Variants in TMEM131 observed in about 807,000 individuals in gnomAD.
TMEM131 encodes transmembrane protein 131.
A neutral mutation model predicts 211.6 loss-of-function variants in TMEM131; 66 were observed. The observed-to-expected ratio is 0.31, with a 90% confidence interval of 0.26 to 0.38. TMEM131 has a LOEUF of 0.38. Ranked by LOEUF, TMEM131 falls within the 10% of genes least tolerant of loss-of-function variation. The probability of loss-of-function intolerance (pLI) is 1.00; values close to 1 mark genes in which losing one functional copy is unlikely to be tolerated. For synonymous variants in TMEM131, 844 were observed against 841.3 expected, an observed-to-expected ratio of 1.00 and a Z score of -0.06; for missense variants, 2,036 against 2,299.3, an observed-to-expected ratio of 0.89 and a Z score of 2.34.
At chr2:97,981,555 T>C (rs968698204) in intron 1 of TMEM131, among the ~76,000 whole-genome samples, 5 of 152,200 alleles carry the variant, frequency 3.3e-5, no homozygotes, top group African/African-American at 9.7e-5. Flanking sequence ...TTTAGGTTTT[T>C]TCCCCCTTAG....
At chr2:97,827,640 G>A (rs1201079215) in intron 11 of TMEM131, 1 of 936,796 alleles carries the variant, frequency 1.1e-6, no homozygotes, top group Non-Finnish European at 1.7e-6. Flanking sequence ...GTAAATGCAA[G>A]TTTTTTAGTA....
intron 2 of TMEM131, among the ~76,000 whole-genome samples, chr2:97,915,481 G>A (rs1676472932): frequency 6.6e-6 from 1 of 151,998 alleles, no homozygotes; most frequent in Non-Finnish European, 1.5e-5. Flanking sequence ...CACCACACCT[G>A]GACAATTTTT....
At chr2:97,953,607 TAAAAGA>T (rs1402775021) in intron 1 of TMEM131, among the ~76,000 whole-genome samples, 1 of 152,058 alleles carries the variant, frequency 6.6e-6, no homozygotes, top group African/African-American at 2.4e-5. Flanking sequence ...CTGGTAGAAC[TAAAAGA>T]AAATTAGCAA....
rs1234723698 is a variant in TMEM131 at position 97,908,087 on chromosome 2, C to T, written c.290+571G>A. ...TAGAAAGAGAATCAGCACAGTATGTCTCTTTACAGATGTGAGAAGGTATCA... is the reference window on the plus strand; with the variant it reads ...TAGAAAGAGAATCAGCACAGTATGTTTCTTTACAGATGTGAGAAGGTATCA... On this transcript the variant is annotated intron_variant, in intron 3 of 40. Coordinates refer to ENST00000186436, the MANE Select transcript of TMEM131 (RefSeq NM_015348.2). Among the ~76,000 whole-genome samples, 14 of 152,170 alleles carry T rather than the reference C, an allele frequency of 9.2e-5. No homozygotes were observed. In the East Asian group the frequency reaches 2.7e-3, roughly 29 times the overall value.
intron 1 of TMEM131, among the ~76,000 whole-genome samples, chr2:97,944,096 A>G (rs903299246): frequency 1.3e-5 from 2 of 152,138 alleles, no homozygotes; most frequent in African/African-American, 2.4e-5. Flanking sequence ...AAAAATAAAT[A>G]AATAAATAAA....
chr2:97,830,944 A>T (rs1390090041), intron 11 of TMEM131, among the ~76,000 whole-genome samples: 2 of 152,242 alleles, frequency 1.3e-5, no homozygotes, highest in Admixed American at 1.3e-4. Context: ...GTGAAACAAA[A>T]GGAGACAGGA....
chr2:97,780,976 G>A (rs552650322), intron 31 of TMEM131, among the ~76,000 whole-genome samples: 1 of 152,272 alleles, frequency 6.6e-6, no homozygotes, highest in South Asian at 2.1e-4. Context: ...TCACACCACT[G>A]CCCGGATGAA....
At chr2:97,968,169 C>G (rs1302710125) in intron 1 of TMEM131, among the ~76,000 whole-genome samples, 1 of 152,056 alleles carries the variant, frequency 6.6e-6, no homozygotes, top group Non-Finnish European at 1.5e-5. Context: ...TCTTTCTACA[C>G]CCAGCCTAAG....
chr2:97,949,418 A>G (rs1244966515), intron 1 of TMEM131, among the ~76,000 whole-genome samples: 24 of 152,232 alleles, frequency 1.6e-4, no homozygotes, highest in Admixed American at 1.6e-3. Context: ...ACGTTCACAC[A>G]ATCTTCACTA....
At chr2:97,809,809 T>A in intron 18 of TMEM131, 35 bp from the exon 19 acceptor site, 1 of 1,516,916 alleles carries the variant, frequency 6.6e-7, no homozygotes, top group Non-Finnish European at 9.0e-7. Flanking sequence ...AGATAAGTAG[T>A]TAAGACTTAG....
intron 1 of TMEM131, among the ~76,000 whole-genome samples, chr2:97,949,871 C>T (rs1678221518): frequency 6.7e-6 from 1 of 149,364 alleles, no homozygotes; most frequent in Non-Finnish European, 1.5e-5. Flanking sequence ...CCACACAGGG[C>T]TTGCTTCTTT....
intron 7 of TMEM131, among the ~76,000 whole-genome samples, chr2:97,837,794 T>C (rs35402416): frequency 0.37 from 56,967 of 152,000 alleles, 11,801 homozygotes; most frequent in African/African-American, 0.52. Flanking sequence ...CCTATGTGTT[T>C]GGGCATAAAA....
intron 4 of TMEM131, among the ~76,000 whole-genome samples, chr2:97,873,413 CCT>C (rs1410247830): frequency 3.6e-4 from 52 of 145,278 alleles, no homozygotes; most frequent in African/African-American, 1.5e-3. Context: ...GGTCAGACTG[CCT>C]CCTCAAGTGG....
At chr2:97,847,499 GA>G (rs1222912732) in intron 5 of TMEM131, among the ~76,000 whole-genome samples, 5 of 152,116 alleles carry the variant, frequency 3.3e-5, no homozygotes, top group Non-Finnish European at 4.4e-5. Context: ...TCTGTAAGCT[GA>G]AAACTATAAA....
In TMEM131 at chr2:97,802,488, T is replaced by G; in HGVS notation, c.2591A>C (p.Gln864Pro). Reference sequence around the variant, plus strand: ...GGAATATAAAGCCAGAGGAATAAACTGAACATAGACAGGAACATCTGCAGG... The same window carrying G: ...GGAATATAAAGCCAGAGGAATAAACGGAACATAGACAGGAACATCTGCAGG... ...ENPADVPVYV[Q>P]FIPLALYSNP... Residue 864 changes from glutamine (Q) to proline (P), a missense_variant, in exon 24 of 41, where the codon CAG (glutamine) becomes CCG (proline). By Grantham distance (76) the Gln-to-Pro change is moderately conservative (BLOSUM62 -1). This residue lies in a region of TMEM131 where 1,623 missense variants were observed against 1,805.9 expected (regional missense o/e 0.90). Coordinates refer to ENST00000186436, the MANE Select transcript of TMEM131 (RefSeq NM_015348.2). The G allele has an allele frequency of 6.2e-7, 1 of 1,612,580 alleles. No homozygotes were observed. The highest frequency in any genetic ancestry group is 8.5e-7 in the Non-Finnish European group (1 of 1,179,404).
chr2:97,942,614 TAGAC>T (rs1446306398), intron 1 of TMEM131, among the ~76,000 whole-genome samples: 7 of 151,948 alleles, frequency 4.6e-5, no homozygotes, highest in Admixed American at 2.0e-4. Context: ...ACAAACAAAT[TAGAC>T]AGCCTACATG....
intron 3 of TMEM131, among the ~76,000 whole-genome samples, chr2:97,906,943 C>A (rs1232328290): frequency 6.6e-6 from 1 of 152,162 alleles, no homozygotes; most frequent in Admixed American, 6.5e-5. Flanking sequence ...TAATTATGTA[C>A]TGATGTCAAT....
chr2:97,984,570 G>A (rs1033627808), intron 1 of TMEM131, among the ~76,000 whole-genome samples: 2 of 151,980 alleles, frequency 1.3e-5, no homozygotes, highest in Admixed American at 6.6e-5. Flanking sequence ...ATCACATGGC[G>A]GCAAGGGGGG....
intron 40 of TMEM131, 83 bp downstream of exon 40, chr2:97,758,810 T>TCA: frequency 1.3e-6 from 2 of 1,510,676 alleles, no homozygotes; most frequent in Non-Finnish European, 1.8e-6. Flanking sequence ...TATAACTATG[T>TCA]CAGTGCCATC....
Sources: gnomAD v4.1 joint callset for allele counts (sites outside exome capture counted in the v4.1 genomes callset) on GRCh38, gnomAD v4.1.1 for gene constraint, gnomAD v4.1.1 regional missense constraint, MANE v1.5 for transcripts, NCBI Gene and HGNC (gene_info 2026-07-23, HGNC 2026-07-21) for gene names.